Variants in JMJD1C observed in about 807,000 individuals in gnomAD.
JMJD1C encodes the protein jumonji domain-containing protein 1C.
A neutral mutation model predicts 245.3 loss-of-function variants in JMJD1C; 31 were observed. That is an observed-to-expected ratio of 0.13 (90% confidence interval 0.09 to 0.17). The LOEUF (loss-of-function observed/expected upper bound fraction) is 0.17, where lower values mean the gene tolerates loss of function less well. Among genes scored for constraint, JMJD1C ranks in the 10% least tolerant of loss-of-function variants. The pLI, the probability that JMJD1C is intolerant of heterozygous loss-of-function variation, is 1.00. For synonymous variants in JMJD1C, 1,057 were observed against 1,017.4 expected (o/e 1.04, Z -0.74); for missense variants, 2,691 against 3,000.2 (o/e 0.90, Z 2.41).
At chr10:63,499,786 T>A (rs1323007680) in intron 1 of JMJD1C, among the ~76,000 whole-genome samples, 2 of 152,212 alleles carry the variant, frequency 1.3e-5, no homozygotes, top group Admixed American at 6.5e-5. Flanking sequence ...ATGCAAATAT[T>A]TAAAAAGCAA....
rs74137712 is a variant in JMJD1C at position 63,285,338 on chromosome 10, G to A, written c.334-20574C>T. Among the ~76,000 whole-genome samples the A allele has an allele frequency of 8.2e-3, 1,253 of 152,186 alleles. 15 individuals are homozygous for A. Among genetic ancestry groups the A allele is most frequent in the African/African-American group, 0.028 (1,151 of 41,516 alleles). On this transcript the variant is annotated intron_variant, in intron 2 of 25. Transcript: ENST00000399262. ...GGTCCATTGGCCGGAAAAGATACAG[G>A]GCTAAAATTGGCCTCAACATAACTT...
chr10:63,367,667 C>T (rs1055763462), intron 2 of JMJD1C, among the ~76,000 whole-genome samples: 1 of 152,212 alleles, frequency 6.6e-6, no homozygotes, highest in Non-Finnish European at 1.5e-5. Flanking sequence ...AGATTCCTTG[C>T]TAGTCCCTAG....
At chr10:63,248,529 G>GATAGATAGATAGATAAATAAATAA (rs566828473) in intron 3 of JMJD1C, among the ~76,000 whole-genome samples, 185 of 137,054 alleles carry the variant, frequency 1.3e-3, no homozygotes, top group African/African-American at 3.6e-3. Flanking sequence ...TCAATAGATA[G>GATAGATAGATAGATAAATAAATAA]ATAAATAAAT....
chr10:63,213,893 T>G lies in JMJD1C; in HGVS notation c.2274A>C (p.Leu758Phe). ...CGGCTAGTAAATGGGGTGCAGGAGT[T>G]AAGGCAGGATGATGGGTACCTGGAT... ...CLNPGTHHPA[L>F]TPAPHLLAGS... The change falls in exon 8 of 26, where the codon TTA becomes TTC. Residue 758 changes from leucine (L) to phenylalanine (F), a missense_variant. Transcript: ENST00000399262. 6.2e-7 allele frequency: 1 copy of G among 1,614,106 alleles called. No individual in the cohort carries two copies. The highest frequency in any genetic ancestry group is 8.5e-7 in the Non-Finnish European group (1 of 1,180,012).
intron 2 of JMJD1C, among the ~76,000 whole-genome samples, chr10:63,323,796 G>A (rs1054327411): frequency 2.0e-5 from 3 of 152,070 alleles, no homozygotes; most frequent in East Asian, 1.9e-4. Context: ...GAGCATATTT[G>A]TGTGTGTTTC....
chr10:63,253,623 T>C (rs1217405382), intron 3 of JMJD1C, among the ~76,000 whole-genome samples: 1 of 152,100 alleles, frequency 6.6e-6, no homozygotes, highest in Admixed American at 6.6e-5. Context: ...TGAACTCAGG[T>C]GATCCGCCCA....
At chr10:63,293,695 C>A (rs1023050095) in intron 2 of JMJD1C, among the ~76,000 whole-genome samples, 4 of 152,164 alleles carry the variant, frequency 2.6e-5, no homozygotes, top group Admixed American at 2.6e-4. Context: ...CCCTCCTCAA[C>A]ACAGAGGCAT....
chr10:63,415,506 T>C (rs1048223079), intron 1 of JMJD1C, among the ~76,000 whole-genome samples: 6 of 152,196 alleles, frequency 3.9e-5, no homozygotes, highest in Non-Finnish European at 7.4e-5. Context: ...AACTTTATTA[T>C]AGGTGTTTGA....
intron 2 of JMJD1C, among the ~76,000 whole-genome samples, chr10:63,298,112 C>CACAGTGCA (rs1859654736): frequency 6.6e-6 from 1 of 152,200 alleles, no homozygotes; most frequent in African/African-American, 2.4e-5. Context: ...ACTATAGCAG[C>CACAGTGCA]CAGTATGCCT....
chr10:63,256,734 T>C (rs1243802350), intron 3 of JMJD1C, among the ~76,000 whole-genome samples: 1 of 152,246 alleles, frequency 6.6e-6, no homozygotes, highest in Non-Finnish European at 1.5e-5. Flanking sequence ...CAGTTCATAG[T>C]TATGTATTTT....
chr10:63,401,546 G>A (rs922633345), intron 1 of JMJD1C, among the ~76,000 whole-genome samples: 12 of 152,160 alleles, frequency 7.9e-5, no homozygotes, highest in Non-Finnish European at 1.3e-4. Flanking sequence ...ATTTTGGTCC[G>A]AGAATATACC....
chr10:63,333,451 G>C (rs1033658876), intron 2 of JMJD1C, among the ~76,000 whole-genome samples: 6 of 152,060 alleles, frequency 3.9e-5, no homozygotes, highest in African/African-American at 1.4e-4. Context: ...TAGGGGACTG[G>C]AGCAGGTGAA....
chr10:63,254,523 C>T (rs1288395799), intron 3 of JMJD1C, among the ~76,000 whole-genome samples: 1 of 152,090 alleles, frequency 6.6e-6, no homozygotes, highest in Non-Finnish European at 1.5e-5. Context: ...GAAATAATAT[C>T]TTATACTCTA....
At chr10:63,335,877 T>G (rs1198332918) in intron 2 of JMJD1C, among the ~76,000 whole-genome samples, 1 of 151,190 alleles carries the variant, frequency 6.6e-6, no homozygotes, top group Non-Finnish European at 1.5e-5. Context: ...TCCCAGCACT[T>G]TGGGAGGCCA....
intron 3 of JMJD1C, among the ~76,000 whole-genome samples, chr10:63,240,489 T>A (rs1198432798): frequency 6.6e-6 from 1 of 152,158 alleles, no homozygotes; most frequent in Admixed American, 6.5e-5. Context: ...AACTAAGAGA[T>A]GATTAGCCAT....
intron 1 of JMJD1C, among the ~76,000 whole-genome samples, chr10:63,460,353 CA>C (rs576989489): frequency 0.013 from 2,017 of 151,372 alleles, 30 homozygotes; most frequent in African/African-American, 0.034. Context: ...CTCATCTCTA[CA>C]AAAAAAAATT....
chr10:63,276,870 A>G (rs1856823978), intron 2 of JMJD1C, among the ~76,000 whole-genome samples: 2 of 142,896 alleles, frequency 1.4e-5, no homozygotes, highest in Admixed American at 7.1e-5. Flanking sequence ...TATGGAAGGA[A>G]TAGAAGCTTG....
chr10:63,465,765 A>C lies in JMJD1C; in HGVS notation c.-103T>G. ...TGCTGAGGAGAGCGGACCGGGACAC[A>C]GCAGCGGACCCGAAAGAGCGCAGAC... On this transcript the variant is annotated 5_prime_UTR_variant, in exon 1 of 26. Transcript: ENST00000399262. 7.3e-7 allele frequency: 1 copy of C among 1,371,008 alleles called. No homozygotes were observed. Among genetic ancestry groups the C allele is most frequent in the Non-Finnish European group, 1.0e-6 (1 of 986,194 alleles). 84.9% of individuals were successfully genotyped at this position (1,371,008 alleles called of 1,614,324 possible).
intron 2 of JMJD1C, among the ~76,000 whole-genome samples, chr10:63,300,754 C>T (rs7920768): frequency 0.86 from 130,623 of 152,022 alleles, 56,815 homozygotes; most frequent in African/African-American, 0.96. Flanking sequence ...TAGCTGGATG[C>T]TGTGGCATGC....
Sources: gnomAD v4.1 joint callset for allele counts (sites outside exome capture counted in the v4.1 genomes callset) on GRCh38, gnomAD v4.1.1 for gene constraint, MANE v1.5 for transcripts, NCBI Gene and HGNC (gene_info 2026-07-23, HGNC 2026-07-21) for gene names.